The following LEPR variants were observed in gnomAD, a reference collection of about 807,000 sequenced individuals.
LEPR encodes the protein OB receptor.
In LEPR, 56 loss-of-function variants were observed where a neutral mutation model predicts 114.7. The ratio of observed to expected loss-of-function variants is 0.49; its 90% CI spans 0.39 to 0.61. The LOEUF (loss-of-function observed/expected upper bound fraction) is 0.61, where lower values mean the gene tolerates loss of function less well. Among genes scored for constraint, LEPR ranks in the 20% least tolerant of loss-of-function variants. The pLI is 0.00. For synonymous variants in LEPR, 443 were observed against 461.4 expected (o/e 0.96, Z 0.51); for missense variants, 1,202 against 1,352.9 (o/e 0.89, Z 1.75).
At chr1:65,610,153 G>T in intron 13 of LEPR, 47 bp downstream of exon 13, 1 of 1,614,096 alleles carries the variant, frequency 6.2e-7, no homozygotes, top group Non-Finnish European at 8.5e-7. Context: ...ATAAGTGTGT[G>T]CTTCAAATAT....
At chr1:65,441,938 G>A (rs1646655287) in intron 2 of LEPR, among the ~76,000 whole-genome samples, 1 of 152,166 alleles carries the variant, frequency 6.6e-6, no homozygotes, top group Non-Finnish European at 1.5e-5. Flanking sequence ...GTTGTTCACT[G>A]TGGTGTTCAG....
intron 5 of LEPR, among the ~76,000 whole-genome samples, chr1:65,573,171 C>T (rs1654326673): frequency 6.6e-6 from 1 of 152,198 alleles, no homozygotes. Flanking sequence ...GGATGGCCTT[C>T]CCATGTTATG....
At chr1:65,522,345 G>C (rs1273602856) in intron 2 of LEPR, among the ~76,000 whole-genome samples, 1 of 152,142 alleles carries the variant, frequency 6.6e-6, no homozygotes, top group Non-Finnish European at 1.5e-5. Flanking sequence ...TTGGAAAATA[G>C]TTTCCAGGTT....
rs1658841514 is a variant in LEPR, at chr1:65,640,913, C to A, written c.*3898C>A. On this transcript the variant is annotated 3_prime_UTR_variant, in exon 20 of 20. Coordinates refer to ENST00000349533, the MANE Select transcript of LEPR (RefSeq NM_002303.6). ...GTAGCTGGGATTACGGGCACACCAC[C>A]ATGCCCAGCTTTTATTTATTTATTT... 1 of 150,936 alleles carries A rather than the reference C, an allele frequency of 6.6e-6. No individual in the cohort carries two copies. The allele number at this position is 150,936 out of a possible 1,614,324, so 9.3% of individuals were successfully genotyped here. A position where few individuals can be genotyped will look rare whatever the true frequency, so the allele number is the denominator to read the frequency against.
chr1:65,609,942 T>A lies in LEPR; in HGVS notation c.1753-5T>A, dbSNP rs1657062073. The A allele has an allele frequency of 6.2e-7, 1 of 1,614,050 alleles. No individual in the cohort carries two copies. Among genetic ancestry groups the A allele is most frequent in the Admixed American group, 1.7e-5 (1 of 60,010 alleles). On this transcript the variant is annotated splice_polypyrimidine_tract_variant and splice_region_variant and intron_variant, in intron 12 of 19. Coordinates refer to ENST00000349533, the MANE Select transcript of LEPR (RefSeq NM_002303.6). ...ATCAATCTAATGCTTTGACTTATTTTACAGATGTATGAGGTTTATGATGCA... is the reference window on the plus strand; with the variant it reads ...ATCAATCTAATGCTTTGACTTATTTAACAGATGTATGAGGTTTATGATGCA...
intron 19 of LEPR, chr1:65,634,337 A>G: frequency 1.0e-6 from 1 of 980,486 alleles, no homozygotes; most frequent in South Asian, 4.7e-5. Flanking sequence ...GACTTCTAAT[A>G]GGTGTCATTG....
chr1:65,565,587 G>A lies in LEPR; in HGVS notation c.22G>A (p.Val8Met). 1 of 1,613,892 alleles carries A rather than the reference G, an allele frequency of 6.2e-7. No individual in the cohort carries two copies. The highest frequency in any genetic ancestry group is 8.5e-7 in the Non-Finnish European group (1 of 1,179,938). MICQKFC[V>M]VLLHWEFIYV... Reference sequence around the variant, plus strand: ...TAAGATGATTTGTCAAAAATTCTGTGTGGTTTTGTTACATTGGGGTAAGTT... The same window carrying A: ...TAAGATGATTTGTCAAAAATTCTGTATGGTTTTGTTACATTGGGGTAAGTT... Residue 8 changes from valine (V) to methionine (M), a missense_variant, in exon 3 of 20, where the codon GTG (valine) becomes ATG (methionine). Val to Met is a conservative substitution (Grantham distance 21, BLOSUM62 1). Coordinates refer to ENST00000349533, the MANE Select transcript of LEPR (RefSeq NM_002303.6).
intron 2 of LEPR, among the ~76,000 whole-genome samples, chr1:65,520,872 C>T (rs1416345893): frequency 1.3e-5 from 2 of 152,352 alleles, no homozygotes; most frequent in South Asian, 2.1e-4. Flanking sequence ...AGGCACAGAT[C>T]GCTCATGCTA....
At position 65,605,790 on chromosome 1, in the gene LEPR, A is replaced by G. The variant is rs558096283; in HGVS notation, c.1603+553A>G. 7.9e-5 allele frequency among the ~76,000 whole-genome samples: 12 copies of G among 152,334 alleles called. No homozygotes were observed. The East Asian group carries it at 2.1e-3, about 27-fold the overall frequency. The stretch of plus-strand genomic sequence containing the variant: ...TCAAAGATATTAAGAGAGCCCTTGG[A>G]AAATGTGATATATTCTTTCCGGTTC... On this transcript the variant is annotated intron_variant, in intron 11 of 19. Transcript: ENST00000349533.
chr1:65,558,549 GTT>G (rs1189982161), intron 2 of LEPR, among the ~76,000 whole-genome samples: 1 of 9,122 alleles, frequency 1.1e-4, no homozygotes, highest in African/African-American at 4.6e-4. Context: ...TTTTTTTTTT[GTT>G]TTTTTTTTTT....
At chr1:65,546,646 G>C (rs889885635) in intron 2 of LEPR, among the ~76,000 whole-genome samples, 1 of 152,290 alleles carries the variant, frequency 6.6e-6, no homozygotes, top group East Asian at 1.9e-4. Flanking sequence ...TGCGATTTTT[G>C]TACATTGATT....
intron 2 of LEPR, among the ~76,000 whole-genome samples, chr1:65,471,704 A>G (rs539746231): frequency 1.3e-5 from 2 of 152,320 alleles, no homozygotes; most frequent in South Asian, 2.1e-4. Flanking sequence ...GGAAGGCTCT[A>G]TGAAGTAATG....
At position 65,637,500 on chromosome 1, in the gene LEPR, G is replaced by A. The variant is rs1014151221; in HGVS notation, c.*485G>A. ...TTTAAGATAAACAGAATTCAGCCCT[G>A]GCCTAAGGGGTTATACTTGTGAAGA... On this transcript the variant is annotated 3_prime_UTR_variant, in exon 20 of 20. Transcript: ENST00000349533. 1 of 156,194 alleles carries A rather than the reference G, an allele frequency of 6.4e-6. No homozygotes were observed. The highest frequency in any genetic ancestry group is 1.4e-5 in the Non-Finnish European group (1 of 70,512). 9.7% of individuals were successfully genotyped at this position (156,194 alleles called of 1,614,324 possible). A position where few individuals can be genotyped will look rare whatever the true frequency, so the allele number is the denominator to read the frequency against.
At chr1:65,553,109 T>C (rs1221794411) in intron 2 of LEPR, among the ~76,000 whole-genome samples, 1 of 152,226 alleles carries the variant, frequency 6.6e-6, no homozygotes, top group Non-Finnish European at 1.5e-5. Flanking sequence ...GGGCTTCCCT[T>C]TGTGGGTAAC....
chr1:65,541,506 G>A (rs987378460), intron 2 of LEPR, among the ~76,000 whole-genome samples: 6 of 151,824 alleles, frequency 4.0e-5, no homozygotes, highest in African/African-American at 1.5e-4. Context: ...ATGCCAGGAT[G>A]TTGGAAGGTT....
intron 2 of LEPR, among the ~76,000 whole-genome samples, chr1:65,441,928 G>A (rs1457146479): frequency 6.6e-6 from 1 of 152,148 alleles, no homozygotes; most frequent in African/African-American, 2.4e-5. Flanking sequence ...GATACATACT[G>A]TTGTTCACTG....
chr1:65,572,580 C>A, intron 5 of LEPR, 131 bp downstream of exon 5: 2 of 966,728 alleles, frequency 2.1e-6, no homozygotes, highest in Non-Finnish European at 3.0e-6. Flanking sequence ...TTTAATATAG[C>A]ATTCTGCTCT....
At chr1:65,636,047 T>G (rs992420271) in intron 19 of LEPR, 144 bp from the exon 20 acceptor site, 3 of 876,122 alleles carry the variant, frequency 3.4e-6, no homozygotes, top group Non-Finnish European at 5.3e-6. Flanking sequence ...TTTTGATATA[T>G]GTATTTTAGT....
chr1:65,512,119 G>GAAA (rs1053982008), intron 2 of LEPR, among the ~76,000 whole-genome samples: 1 of 152,096 alleles, frequency 6.6e-6, no homozygotes, highest in African/African-American at 2.4e-5. Context: ...TAAACCAGCA[G>GAAA]ATGTTGTGAG....
Sources: gnomAD v4.1 joint callset for allele counts (sites outside exome capture counted in the v4.1 genomes callset) on GRCh38, gnomAD v4.1.1 for gene constraint, MANE v1.5 for transcripts, NCBI Gene and HGNC (gene_info 2026-07-23, HGNC 2026-07-21) for gene names.